Variants in HECTD4 observed in about 807,000 individuals in gnomAD.
The protein encoded by HECTD4 is probable E3 ubiquitin-protein ligase HECTD4.
A neutral mutation model predicts 471.5 loss-of-function variants in HECTD4; 114 were observed. That is an observed-to-expected ratio of 0.24 (90% CI 0.21 to 0.28). The LOEUF (loss-of-function observed/expected upper bound fraction) is 0.28, where lower values mean the gene tolerates loss of function less well. Ranked by LOEUF, HECTD4 falls within the 10% of genes least tolerant of loss-of-function variation. The pLI is 1.00. For synonymous variants in HECTD4, 2,012 were observed against 2,256.0 expected, an observed-to-expected ratio of 0.89 and a Z score of 3.07; for missense variants, 3,866 against 5,651.5, an observed-to-expected ratio of 0.68 and a Z score of 10.13.
chr12:112,228,269 T>TG lies in HECTD4; in HGVS notation c.6685-12dup, dbSNP rs777201001. 81 of 1,556,136 alleles carry TG rather than the reference T, an allele frequency of 5.2e-5. No individual in the cohort carries two copies. The highest frequency in any genetic ancestry group is 3.4e-4 in the Middle Eastern group (2 of 5,872). ...ATGAAGAGGCAATGCCTGATGGCGG[T>TG]GGGGGGGCATGGCAAAAAGTTAAAT... On this transcript the variant is annotated splice_polypyrimidine_tract_variant and intron_variant, in intron 42 of 75. Transcript: ENST00000682272. This position sits in a 1 kb window ranked among gnomAD's most constrained non-coding sequence, Gnocchi z 4.9.
At chr12:112,172,365 C>T (rs1255332486) in intron 67 of HECTD4, among the ~76,000 whole-genome samples, 2 of 152,270 alleles carry the variant, frequency 1.3e-5, no homozygotes, top group African/African-American at 2.4e-5. Flanking sequence ...GCAGCCTGGC[C>T]TCAGCGGGGC....
intron 1 of HECTD4, among the ~76,000 whole-genome samples, chr12:112,372,690 A>G (rs541927798): frequency 5.3e-5 from 8 of 151,746 alleles, no homozygotes; most frequent in African/African-American, 1.9e-4. Flanking sequence ...TTGGCCTCTC[A>G]AGTGCTGGAA....
At position 112,239,945 on chromosome 12, in the gene HECTD4, A is replaced by G; in HGVS notation, c.5041T>C (p.Cys1681Arg). Reference protein sequence around the residue: ...GETMTSVVSLCARYPIACANS... With the variant: ...GETMTSVVSLRARYPIACANS... Reference sequence around the variant, plus strand: ...GCGCAAGCGATAGGGTAACGAGCACACAGAGACACAACAGAGGTCATGGTC... The same window carrying G: ...GCGCAAGCGATAGGGTAACGAGCACGCAGAGACACAACAGAGGTCATGGTC... Residue 1681 changes from cysteine (C) to arginine (R), a missense_variant, in exon 33 of 76, where the codon TGT becomes CGT. By Grantham distance (180) the Cys-to-Arg change is radical (BLOSUM62 -3). Transcript: ENST00000682272. This position sits in a 1 kb window ranked among gnomAD's most constrained non-coding sequence, Gnocchi z 4.9. 6.2e-7 allele frequency: 1 copy of G among 1,614,078 alleles called. No homozygotes were observed. Among genetic ancestry groups the G allele is most frequent in the Non-Finnish European group, 8.5e-7 (1 of 1,179,890 alleles).
chr12:112,358,676 C>T (rs571731068), intron 1 of HECTD4, among the ~76,000 whole-genome samples: 3 of 151,940 alleles, frequency 2.0e-5, no homozygotes, highest in Admixed American at 6.6e-5. Flanking sequence ...TCATAATTGA[C>T]GACACCAAAA....
At position 112,192,642 on chromosome 12, in the gene HECTD4, G is replaced by T. The variant is rs370609623; in HGVS notation, c.9210C>A (p.Ala3070=). The change falls in exon 59 of 76, where the codon GCC becomes GCA. Residue 3070 remains alanine, a synonymous_variant. Transcript: ENST00000682272. ...AACYPRDASP[A]NTGLAPPPTA... is the part of the protein sequence containing the mutation. Reference sequence around the variant, plus strand: ...TGGGGGGAGGTGCAAGCCCAGTGTTGGCTGGGGACGCGTCCCGCGGGTAAC... The same window carrying T: ...TGGGGGGAGGTGCAAGCCCAGTGTTTGCTGGGGACGCGTCCCGCGGGTAAC... The T allele has an allele frequency of 2.0e-5, 32 of 1,609,000 alleles. No homozygotes were observed. The African/African-American group carries it at 4.3e-4, about 21-fold the overall frequency.
chr12:112,348,934 CTTTT>C (rs2036203679), intron 1 of HECTD4, among the ~76,000 whole-genome samples: 1 of 152,016 alleles, frequency 6.6e-6, no homozygotes, highest in Admixed American at 6.6e-5. Flanking sequence ...TTTTCATCTT[CTTTT>C]TTTGTTATCT....
Position 112,162,693 on chromosome 12 carries a change from G to A in HECTD4, c.13121-170C>T. 1.4e-6 allele frequency: 1 copy of A among 718,384 alleles called. No individual in the cohort carries two copies. The highest frequency in any genetic ancestry group is 1.8e-5 in the African/African-American group (1 of 56,204). The allele number at this position is 718,384 out of a possible 1,614,324, so 44.5% of individuals were successfully genotyped here. On this transcript the variant is annotated intron_variant, in intron 75 of 75. Coordinates refer to ENST00000682272, the MANE Select transcript of HECTD4 (RefSeq NM_001388303.1). The surrounding 1 kb of genome is among the most constrained non-coding windows in gnomAD (Gnocchi z 5.2). ...TGGGAACCTGCGAGATGTTCTTGGA[G>A]GGAAAAGGGGAGAGAGCTGCTGGAC...
chr12:112,197,938 T>C (rs1014685125), intron 55 of HECTD4, among the ~76,000 whole-genome samples: 1 of 152,100 alleles, frequency 6.6e-6, no homozygotes, highest in Non-Finnish European at 1.5e-5. Flanking sequence ...TGGGATCAAG[T>C]GATTCTCATG....
At chr12:112,345,633 T>A (rs973018289) in intron 1 of HECTD4, among the ~76,000 whole-genome samples, 1 of 152,194 alleles carries the variant, frequency 6.6e-6, no homozygotes, top group African/African-American at 2.4e-5. Flanking sequence ...TGTAAGATGC[T>A]ATTTTAGAAA....
rs1293991904 is a variant in HECTD4, at chr12:112,164,088, CT to C, written c.12701+20del. On this transcript the variant is annotated intron_variant, in intron 73 of 75. Coordinates refer to ENST00000682272, the MANE Select transcript of HECTD4 (RefSeq NM_001388303.1). ...TGGCCGGGCCAGCCCCTGCCAGCCC[CT>C]GACACGCGCACACACTCACGCCACA... 1 of 1,438,018 alleles carries C rather than the reference CT, an allele frequency of 7.0e-7. No individual in the cohort carries two copies. Among genetic ancestry groups the C allele is most frequent in the African/African-American group, 1.4e-5 (1 of 70,178 alleles). 89.1% of individuals were successfully genotyped at this position (1,438,018 alleles called of 1,614,324 possible).
intron 1 of HECTD4, among the ~76,000 whole-genome samples, chr12:112,343,872 T>C (rs1192563396): frequency 3.9e-5 from 6 of 152,092 alleles, no homozygotes; most frequent in African/African-American, 1.2e-4. Flanking sequence ...CTGAGTGATA[T>C]ACATGTGAAT....
chr12:112,168,645 G>A (rs190123028), intron 70 of HECTD4, among the ~76,000 whole-genome samples: 1 of 152,328 alleles, frequency 6.6e-6, no homozygotes, highest in East Asian at 1.9e-4. Context: ...CTGCTTCAAG[G>A]AGAAGCAGGA....
intron 72 of HECTD4, among the ~76,000 whole-genome samples, chr12:112,164,924 C>T (rs2030873216): frequency 6.8e-6 from 1 of 147,434 alleles, no homozygotes; most frequent in South Asian, 2.2e-4. Flanking sequence ...ACCCAGACCG[C>T]TTTTTCTTTT....
At chr12:112,289,667 A>G (rs1339484792) in intron 7 of HECTD4, among the ~76,000 whole-genome samples, 1 of 151,818 alleles carries the variant, frequency 6.6e-6, no homozygotes, top group Non-Finnish European at 1.5e-5. Flanking sequence ...AAAAGCTACC[A>G]TTATTCTTTG....
In HECTD4 at chr12:112,239,901, T is replaced by C. The variant is rs527680848; in HGVS notation, c.5085A>G (p.Leu1695=). ...CTTACCTGGTGTAAGGTATGGTACA[T>C]AAGAGTCCAATGCTATTTGCGCAAG... ...PIACANSIGL[L]CTIPYTRSEE... Residue 1695 remains leucine (L), a synonymous_variant, in exon 33 of 76, where the codon TTA becomes TTG. Coordinates refer to ENST00000682272, the MANE Select transcript of HECTD4 (RefSeq NM_001388303.1). The surrounding 1 kb of genome is among the most constrained non-coding windows in gnomAD (Gnocchi z 4.9). The C allele has an allele frequency of 6.2e-7, 1 of 1,613,998 alleles. No individual in the cohort carries two copies. Among genetic ancestry groups the C allele is most frequent in the East Asian group, 2.2e-5 (1 of 44,886 alleles).
chr12:112,322,638 C>G (rs2035609888), intron 1 of HECTD4: 1 of 152,482 alleles, frequency 6.6e-6, no homozygotes, highest in Non-Finnish European at 1.5e-5. Context: ...TCTGCAGCTA[C>G]AAGTTAAAGC....
rs1309881672 is a variant in HECTD4, at chr12:112,167,506, G to T, written c.12345C>A (p.Thr4115=). The change falls in exon 72 of 76, where the codon ACC becomes ACA. Residue 4115 remains threonine, a synonymous_variant. Transcript: ENST00000682272. ...GKYILTPSPI[T]YGEEQLLHFL... ...AGTGCAGCAGCTGCTCCTCCCCGTA[G>T]GTGATGGGGCTCGGGGTCAGGATAT... 3.1e-6 allele frequency: 5 copies of T among 1,607,468 alleles called. No individual in the cohort carries two copies. In the East Asian group the frequency reaches 1.1e-4, roughly 36 times the overall value.
intron 1 of HECTD4, among the ~76,000 whole-genome samples, chr12:112,326,979 C>A (rs1006148868): frequency 2.0e-5 from 3 of 152,142 alleles, no homozygotes; most frequent in Admixed American, 2.0e-4. Context: ...CAGAGATATT[C>A]ATTGCAGTAT....
At chr12:112,219,078 C>T (rs2033013681) in intron 45 of HECTD4, among the ~76,000 whole-genome samples, 1 of 151,994 alleles carries the variant, frequency 6.6e-6, no homozygotes, top group Non-Finnish European at 1.5e-5. Context: ...TGTTATGAAA[C>T]TGACTGTATC....
Sources: gnomAD v4.1 joint callset for allele counts (sites outside exome capture counted in the v4.1 genomes callset) on GRCh38, gnomAD v4.1.1 for gene constraint, Gnocchi (gnomAD v3.1) non-coding constraint, MANE v1.5 for transcripts, NCBI Gene and HGNC (gene_info 2026-07-23, HGNC 2026-07-21) for gene names.